The following STK3 variants were observed in gnomAD, a reference collection of about 807,000 sequenced individuals.
STK3 encodes serine/threonine-protein kinase 3.
STK3 carries 41 observed loss-of-function variants against 58.0 expected under a neutral mutation model. The observed-to-expected ratio is 0.71, with a 90% confidence interval of 0.55 to 0.92. The LOEUF (loss-of-function observed/expected upper bound fraction) is 0.92. Among genes scored for constraint, STK3 ranks in the 40% least tolerant of loss-of-function variants. The pLI, the probability that STK3 is intolerant of heterozygous loss-of-function variation, is 0.00. For missense variants in STK3, 479 were observed against 602.7 expected (o/e 0.79, Z 2.15); for synonymous variants, 170 against 191.0 (o/e 0.89, Z 0.91).
intron 6 of STK3, among the ~76,000 whole-genome samples, chr8:98,702,064 A>G (rs1825665616): frequency 6.6e-6 from 1 of 152,204 alleles, no homozygotes; most frequent in East Asian, 1.9e-4. Context: ...TGTCTACCAC[A>G]GTGAAGATTC....
chr8:98,835,080 C>G (rs917984087), intron 3 of STK3, among the ~76,000 whole-genome samples: 3 of 152,212 alleles, frequency 2.0e-5, no homozygotes, highest in Admixed American at 6.5e-5. Context: ...TGCTTTTACA[C>G]AGTTGCCCCT....
intron 6 of STK3, 41 bp from the exon 7 acceptor site, chr8:98,596,210 C>G (rs911365020): frequency 2.6e-6 from 4 of 1,565,548 alleles, no homozygotes; most frequent in Non-Finnish European, 3.5e-6. Flanking sequence ...AAGAATCACA[C>G]TAGCACAATC....
intron 8 of STK3, among the ~76,000 whole-genome samples, chr8:98,549,545 T>C (rs1810994804): frequency 6.6e-6 from 1 of 152,188 alleles, no homozygotes; most frequent in South Asian, 2.1e-4. Flanking sequence ...TTTTACTTCA[T>C]TTATAGCGTC....
intron 1 of STK3, among the ~76,000 whole-genome samples, chr8:98,902,280 C>T (rs1461363933): frequency 6.6e-6 from 1 of 152,170 alleles, no homozygotes; most frequent in Non-Finnish European, 1.5e-5. Context: ...TTTTTATCTC[C>T]AGCTCAGACT....
At chr8:98,427,371 C>G (rs951121000) in intron 3 of STK3, 1 of 152,016 alleles carries the variant, frequency 6.6e-6, no homozygotes, top group Non-Finnish European at 1.5e-5. Flanking sequence ...CGGGCAGCCC[C>G]GCTGGGTGAG....
chr8:98,501,168 G>A (rs990753968), intron 10 of STK3, among the ~76,000 whole-genome samples: 40 of 152,224 alleles, frequency 2.6e-4, no homozygotes, highest in Non-Finnish European at 5.3e-4. Flanking sequence ...CAGCAATGAT[G>A]AGTATTTTTT....
chr8:98,731,364 G>C (rs2131248862), intron 4 of STK3, among the ~76,000 whole-genome samples: 1 of 152,190 alleles, frequency 6.6e-6, no homozygotes, highest in Non-Finnish European at 1.5e-5. Flanking sequence ...TGTACATGCA[G>C]ATTACATGAA....
chr8:98,456,169 T>C (rs1326960896), intron 10 of STK3, among the ~76,000 whole-genome samples, 169 bp from the exon 11 acceptor site: 1 of 152,240 alleles, frequency 6.6e-6, no homozygotes, highest in African/African-American at 2.4e-5. Flanking sequence ...AATTTCTTCC[T>C]TGAAGAACTC....
chr8:98,399,790 T>C (rs541658218), downstream of STK3, among the ~76,000 whole-genome samples: 2 of 152,064 alleles, frequency 1.3e-5, no homozygotes, highest in South Asian at 4.2e-4. Context: ...CTGAGAGCAG[T>C]AGAGAATGGG....
chr8:98,575,071 G>T (rs534469756), intron 8 of STK3, among the ~76,000 whole-genome samples: 1 of 152,204 alleles, frequency 6.6e-6, no homozygotes, highest in South Asian at 2.1e-4. Context: ...TCTTCAGATT[G>T]AAAGGAACTG....
chr8:98,425,337 ACACAC>A lies in STK3; in HGVS notation n.483+8785_483+8789del, dbSNP rs1222127027. ...CCGTCTCTCCCTCTCAGACACACAC[ACACAC>A]ACACACACACAAACACACTGGGAAA... On this transcript the variant is annotated intron_variant and non_coding_transcript_variant, in intron 3 of 3. Transcript: ENST00000517832. Among the ~76,000 whole-genome samples the A allele has an allele frequency of 2.6e-5, 4 of 152,004 alleles. No homozygotes were observed. The East Asian group carries it at 7.7e-4, about 29-fold the overall frequency.
At chr8:98,772,677 CGA>C (rs1469446744) in intron 2 of STK3, among the ~76,000 whole-genome samples, 1 of 151,892 alleles carries the variant, frequency 6.6e-6, no homozygotes, top group East Asian at 1.9e-4. Flanking sequence ...GGCTGGATGA[CGA>C]GAGTGAAACT....
chr8:98,655,776 C>T (rs1317353858), intron 6 of STK3, among the ~76,000 whole-genome samples: 1 of 152,054 alleles, frequency 6.6e-6, no homozygotes, highest in African/African-American at 2.4e-5. Flanking sequence ...CAAATCAAAA[C>T]CACAATGAGA....
At chr8:98,449,075 G>T (rs1350068440) in intron 1 of STK3, among the ~76,000 whole-genome samples, 1 of 152,094 alleles carries the variant, frequency 6.6e-6, no homozygotes, top group African/African-American at 2.4e-5. Context: ...GGAGGTGTGA[G>T]GGCCAAAGGT....
chr8:98,612,384 C>CAT lies in STK3; in HGVS notation c.685-16217_685-16216dup, dbSNP rs549252617. 6.3e-3 allele frequency among the ~76,000 whole-genome samples: 923 copies of CAT among 147,330 alleles called. 9 individuals are homozygous for CAT. Among genetic ancestry groups the CAT allele is most frequent in the African/African-American group, 0.017 (696 of 40,286 alleles). On this transcript the variant is annotated intron_variant, in intron 6 of 10. Transcript: ENST00000419617. ...CCAGTTCAAGACCACTGTTTCTAAA[C>CAT]ATATATATATATATACACACACACA... is the stretch of plus-strand genomic sequence containing the variant.
In STK3 at chr8:98,413,742, A is replaced by G. The variant is rs1432818499; in HGVS notation, n.484-12229T>C. ...CTGTTGAAGAGTTGGCACCTTGGTCAGGTCATGCCTGACCCCATGAGAGGA... is the reference window on the plus strand; with the variant it reads ...CTGTTGAAGAGTTGGCACCTTGGTCGGGTCATGCCTGACCCCATGAGAGGA... On this transcript the variant is annotated intron_variant and non_coding_transcript_variant, in intron 3 of 3. Coordinates refer to the STK3 transcript ENST00000517832. 9 of 747,288 alleles carry G rather than the reference A, an allele frequency of 1.2e-5. No homozygotes were observed. The East Asian group carries it at 2.2e-4, about 19-fold the overall frequency. 46.3% of individuals were successfully genotyped at this position (747,288 alleles called of 1,614,324 possible). A position where few individuals can be genotyped will look rare whatever the true frequency, so the allele number is the denominator to read the frequency against.
At chr8:98,870,924 A>G (rs959048865) in intron 3 of STK3, among the ~76,000 whole-genome samples, 5 of 152,192 alleles carry the variant, frequency 3.3e-5, no homozygotes, top group African/African-American at 7.2e-5. Context: ...GCCCATGCCT[A>G]TGGCCTGAAT....
the STK3 span, among the ~76,000 whole-genome samples, chr8:98,352,665 C>A: frequency 3.9e-5 from 6 of 152,264 alleles, no homozygotes; most frequent in East Asian, 1.2e-3. Flanking sequence ...AGGCAGATGA[C>A]TCTCGAAGAA....
intron 6 of STK3, among the ~76,000 whole-genome samples, chr8:98,655,446 T>C (rs1426581142): frequency 5.9e-5 from 9 of 152,112 alleles, no homozygotes; most frequent in African/African-American, 1.2e-4. Context: ...ATGTCTAAAA[T>C]GCCAAAAGCA....
Sources: gnomAD v4.1 joint callset for allele counts (sites outside exome capture counted in the v4.1 genomes callset) on GRCh38, gnomAD v4.1.1 for gene constraint, MANE v1.5 for transcripts, NCBI Gene and HGNC (gene_info 2026-07-23, HGNC 2026-07-21) for gene names.